CC2D2A: variants seen among roughly 807,000 people sequenced by gnomAD.
CC2D2A encodes the protein coiled-coil and C2 domain containing 2A.
Under a neutral mutation model 212.9 loss-of-function variants are expected in CC2D2A, and 155 were observed. That is an observed-to-expected ratio of 0.73 (90% confidence interval 0.64 to 0.83). CC2D2A has a LOEUF of 0.83. Among genes scored for constraint, CC2D2A ranks in the 40% least tolerant of loss-of-function variants. CC2D2A has a pLI of 0.00. For synonymous variants in CC2D2A, 667 were observed against 686.5 expected, an observed-to-expected ratio of 0.97 and a Z score of 0.44; for missense variants, 1,856 against 1,956.2, an observed-to-expected ratio of 0.95 and a Z score of 0.97.
chr4:15,509,007 A>G lies in CC2D2A; in HGVS notation c.439-1132A>G, dbSNP rs947380859. 3.9e-5 allele frequency among the ~76,000 whole-genome samples: 6 copies of G among 152,158 alleles called. No homozygotes were observed. In the South Asian group the frequency reaches 1.2e-3, roughly 31 times the overall value. On this transcript the variant is annotated intron_variant, in intron 6 of 36. Transcript: ENST00000424120. The stretch of plus-strand genomic sequence containing the variant: ...GGTGGATTAGAAGGAGAGATGGGTA[A>G]GAAGTTGGAAACAGCACCTTGCAGA...
intron 17 of CC2D2A, among the ~76,000 whole-genome samples, chr4:15,549,935 T>TTA (rs1421392270): frequency 1.3e-5 from 2 of 151,844 alleles, no homozygotes; most frequent in Non-Finnish European, 2.9e-5. Flanking sequence ...AGAAGAAAAA[T>TTA]ATAAAGATTA....
chr4:15,475,815 C>CT, intron 1 of CC2D2A, 100 bp from the exon 2 acceptor site: 1 of 971,286 alleles, frequency 1.0e-6, no homozygotes, highest in South Asian at 1.4e-5. Context: ...AGCTCAAACA[C>CT]TTCACTTACC....
chr4:15,591,219 AT>A (rs10706968), intron 33 of CC2D2A, among the ~76,000 whole-genome samples: 99,978 of 113,454 alleles, frequency 0.88, 44,060 homozygotes, highest in Middle Eastern at 0.97. Context: ...CCATCAGTCT[AT>A]TTTTTTTTTT....
Position 15,563,422 on chromosome 4 carries a change from CG to C in CC2D2A, c.3084del (p.Lys1029ArgfsTer3), listed in dbSNP as rs386833749. 2.0e-5 allele frequency: 33 copies of C among 1,609,774 alleles called. No individual in the cohort carries two copies. The highest frequency in any genetic ancestry group is 3.3e-4 in the Middle Eastern group (2 of 6,082). On this transcript the variant is annotated frameshift_variant, in exon 24 of 37. Transcript: ENST00000424120. LOFTEE classifies it high-confidence loss of function. ...KRPLRPRRKGRKKVTAQNLSD... is the reference protein window; with the variant it reads ...KRPLRPRRKGXKKVTAQNLSD... ...ACCACTGCGGCCAAGGAGAAAAGGT[CG>C]GAAGAAGGTGACAGCCCAAAACCTG...
Position 15,560,536 on chromosome 4 carries a change from A to G in CC2D2A, c.2928A>G (p.Arg976=), listed in dbSNP as rs993294783. The G allele has an allele frequency of 8.2e-6, 12 of 1,469,456 alleles. No individual in the cohort carries two copies. Among genetic ancestry groups the G allele is most frequent in the Non-Finnish European group, 1.1e-5 (12 of 1,060,230 alleles). 91.0% of individuals were successfully genotyped at this position (1,469,456 alleles called of 1,614,324 possible). ...AIVAKYLQQV[R]ESVINRFLIA... ...AAGCTGATTTCTTTCCCCAGGTTAG[A>G]GAATCAGTGATAAATCGTTTCTTAA... Residue 976 remains arginine (R), a synonymous_variant, in exon 23 of 37, where the codon AGA becomes AGG. Coordinates refer to ENST00000424120, the MANE Select transcript of CC2D2A (RefSeq NM_001378615.1).
intron 20 of CC2D2A, 99 bp from the exon 21 acceptor site, chr4:15,557,205 T>C: frequency 1.5e-6 from 1 of 675,538 alleles, no homozygotes; most frequent in Admixed American, 3.0e-5. Flanking sequence ...TCAAGTCTTT[T>C]AATCTAAAAC....
At chr4:15,515,424 T>A (rs1025308420) in intron 9 of CC2D2A, among the ~76,000 whole-genome samples, 1 of 152,224 alleles carries the variant, frequency 6.6e-6, no homozygotes, top group African/African-American at 2.4e-5. Flanking sequence ...TTCAATCAAA[T>A]AAACTTGTTC....
intron 11 of CC2D2A, among the ~76,000 whole-genome samples, chr4:15,524,526 C>T (rs978976743): frequency 2.1e-5 from 3 of 145,010 alleles, no homozygotes; most frequent in African/African-American, 5.1e-5. Flanking sequence ...TCTTGGCTCA[C>T]TGCAAGCTCC....
chr4:15,510,298 A>G, intron 7 of CC2D2A, 58 bp downstream of exon 7: 1 of 1,439,130 alleles, frequency 6.9e-7, no homozygotes, highest in Non-Finnish European at 9.7e-7. Flanking sequence ...CAAATATCCA[A>G]TGACACATGA....
At chr4:15,476,512 G>T (rs1003161078) in intron 2 of CC2D2A, among the ~76,000 whole-genome samples, 2 of 152,232 alleles carry the variant, frequency 1.3e-5, no homozygotes, top group Non-Finnish European at 2.9e-5. Flanking sequence ...TATCAGAGAC[G>T]TGGTGGAGAA....
At position 15,550,912 on chromosome 4, in the gene CC2D2A, C is replaced by T; in HGVS notation, c.2270C>T (p.Ala757Val). The T allele has an allele frequency of 1.2e-6, 2 of 1,609,710 alleles. No homozygotes were observed. Among genetic ancestry groups the T allele is most frequent in the Non-Finnish European group, 1.7e-6 (2 of 1,176,496 alleles). The change falls in exon 18 of 37, where the codon GCT (alanine) becomes GTT (valine). Residue 757 changes from alanine (A) to valine (V), a missense_variant. By Grantham distance (64) the Ala-to-Val change is moderately conservative. Transcript: ENST00000424120. ...GAGACTACTGTTGTCACTGGAAGGG[C>T]TCCTACTGAAGAAGTGGAGTTTAGC... The part of the protein sequence containing the change: ...IPETTVVTGR[A>V]PTEEVEFSSN...
intron 23 of CC2D2A, 108 bp from the exon 24 acceptor site, chr4:15,563,247 T>G: frequency 9.3e-7 from 1 of 1,079,068 alleles, no homozygotes. Flanking sequence ...GGACAAGGAG[T>G]TTTTCAGGGG....
chr4:15,476,355 G>A (rs539472120), intron 2 of CC2D2A, among the ~76,000 whole-genome samples: 1 of 152,326 alleles, frequency 6.6e-6, no homozygotes, highest in East Asian at 1.9e-4. Flanking sequence ...TCAGCTACCT[G>A]CTACAGAAGC....
intron 11 of CC2D2A, among the ~76,000 whole-genome samples, chr4:15,520,198 A>G (rs934235036): frequency 7.2e-5 from 11 of 152,142 alleles, no homozygotes; most frequent in Admixed American, 1.3e-4. Context: ...TACTGAGGTG[A>G]TATATGAGTA....
chr4:15,596,769 A>G (rs1179064256), intron 34 of CC2D2A, among the ~76,000 whole-genome samples: 1 of 152,214 alleles, frequency 6.6e-6, no homozygotes, highest in African/African-American at 2.4e-5. Flanking sequence ...ATATGTGTAT[A>G]AGGTGATATA....
intron 17 of CC2D2A, among the ~76,000 whole-genome samples, chr4:15,546,857 A>T (rs922040284): frequency 6.6e-6 from 1 of 152,194 alleles, no homozygotes; most frequent in African/African-American, 2.4e-5. Flanking sequence ...ATCTAAAGGT[A>T]AGACAATGAG....
chr4:15,529,069 A>G (rs115403755), intron 13 of CC2D2A, among the ~76,000 whole-genome samples: 49 of 152,334 alleles, frequency 3.2e-4, no homozygotes, highest in African/African-American at 1.2e-3. Context: ...CTATGTGTGC[A>G]TATGTACATG....
chr4:15,504,879 T>G (rs1013081020), intron 6 of CC2D2A, among the ~76,000 whole-genome samples: 1 of 152,192 alleles, frequency 6.6e-6, no homozygotes, highest in Non-Finnish European at 1.5e-5. Context: ...TCGTTCAATA[T>G]ACTGTTCATC....
In CC2D2A at chr4:15,567,262, C is replaced by T. The variant is rs922637417; in HGVS notation, c.3183-115C>T. The T allele has an allele frequency of 6.9e-5, 52 of 757,754 alleles. No individual in the cohort carries two copies. In the African/African-American group the frequency reaches 7.8e-4, roughly 11 times the overall value. 46.9% of individuals were successfully genotyped at this position (757,754 alleles called of 1,614,324 possible). On this transcript the variant is annotated intron_variant, in intron 24 of 36. Transcript: ENST00000424120. ...TGCACCAGCCGAGATCATGCCACTGCACTTCAGCTTGGGCGACAGAGTGAG... is the reference window on the plus strand; with the variant it reads ...TGCACCAGCCGAGATCATGCCACTGTACTTCAGCTTGGGCGACAGAGTGAG...
Sources: gnomAD v4.1 joint callset for allele counts (sites outside exome capture counted in the v4.1 genomes callset) on GRCh38, gnomAD v4.1.1 for gene constraint, MANE v1.5 for transcripts, NCBI Gene and HGNC (gene_info 2026-07-23, HGNC 2026-07-21) for gene names.